The following CLIC5 variants were observed in gnomAD, a reference collection of about 807,000 sequenced individuals.
CLIC5 encodes CLIC family member 5.
In CLIC5, 20 loss-of-function variants were observed where a neutral mutation model predicts 24.7. That is an observed-to-expected ratio of 0.81 (90% CI 0.57 to 1.18). The LOEUF (loss-of-function observed/expected upper bound fraction) is 1.18, where lower values mean the gene tolerates loss of function less well. Ranked by LOEUF, CLIC5 falls within the 50% of genes most tolerant of loss-of-function variation. The pLI, the probability that CLIC5 is intolerant of heterozygous loss-of-function variation, is 0.00. For missense variants in CLIC5, 341 were observed against 326.1 expected (o/e 1.05, Z -0.35); for synonymous variants, 159 against 135.6 (o/e 1.17, Z -1.20).
chr6:46,001,322 G>A (rs1013618056), intron 1 of CLIC5, among the ~76,000 whole-genome samples: 11 of 152,206 alleles, frequency 7.2e-5, no homozygotes, highest in Admixed American at 1.3e-4. Flanking sequence ...ACAGGTCTAC[G>A]GGGGAGAGAG....
intron 1 of CLIC5, among the ~76,000 whole-genome samples, chr6:46,040,486 G>A (rs1767776537): frequency 1.3e-5 from 2 of 152,038 alleles, no homozygotes; most frequent in Admixed American, 6.6e-5. Context: ...TGGCATTGTT[G>A]GTAGTGGGCT....
At chr6:45,991,010 TTGTGGAGGAAC>T (rs1168359850) in intron 1 of CLIC5, among the ~76,000 whole-genome samples, 3 of 152,208 alleles carry the variant, frequency 2.0e-5, no homozygotes, top group African/African-American at 7.2e-5. Context: ...ACTGTTATTA[TTGTGGAGGAAC>T]ATTAGCTCAA....
chr6:45,951,994 C>A (rs556790359), intron 2 of CLIC5, among the ~76,000 whole-genome samples: 1 of 152,304 alleles, frequency 6.6e-6, no homozygotes, highest in African/African-American at 2.4e-5. Context: ...TTACTTTGTG[C>A]ATGTCCCTCA....
intron 3 of CLIC5, among the ~76,000 whole-genome samples, chr6:45,942,717 C>T (rs1184523192): frequency 6.6e-6 from 1 of 152,180 alleles, no homozygotes; most frequent in Non-Finnish European, 1.5e-5. Context: ...TTCTTTAATG[C>T]TTTTTTGTTA....
chr6:45,912,740 C>T (rs1239028185), intron 5 of CLIC5: 1 of 1,531,076 alleles, frequency 6.5e-7, no homozygotes. Flanking sequence ...GTACTTGTTC[C>T]TAAGGAGAAG....
chr6:45,949,237 G>T lies in CLIC5; in HGVS notation c.299+19C>A. On this transcript the variant is annotated intron_variant, in intron 3 of 5. Transcript: ENST00000339561. ...GAACCCTTCCCATTCAACAGCCCCA[G>T]AAAGAAACAGATCCTTACTTTTCAG... 1.9e-6 allele frequency: 3 copies of T among 1,609,834 alleles called. No homozygotes were observed. Among genetic ancestry groups the T allele is most frequent in the Non-Finnish European group, 2.5e-6 (3 of 1,177,672 alleles).
At chr6:45,973,163 T>A (rs1179750859) in intron 1 of CLIC5, among the ~76,000 whole-genome samples, 1 of 152,190 alleles carries the variant, frequency 6.6e-6, no homozygotes, top group Non-Finnish European at 1.5e-5. Context: ...ACAGGCCCCA[T>A]CCTGCACCCC....
chr6:45,955,324 G>T, intron 1 of CLIC5, 80 bp from the exon 2 acceptor site: 1 of 956,120 alleles, frequency 1.0e-6, no homozygotes, highest in Non-Finnish European at 1.6e-6. Flanking sequence ...CCCAAATGCA[G>T]GTCTGAGGAG....
intron 4 of CLIC5, chr6:45,920,260 C>A (rs1763201784): frequency 1.0e-6 from 1 of 984,556 alleles, no homozygotes; most frequent in African/African-American, 1.7e-5. Flanking sequence ...CATGACCCAT[C>A]ACATCACTTT....
At position 46,015,723 on chromosome 6, in the gene CLIC5, G is replaced by A; in HGVS notation, c.-181C>T. 9 of 1,254,144 alleles carry A rather than the reference G, an allele frequency of 7.2e-6. No individual in the cohort carries two copies. The highest frequency in any genetic ancestry group is 6.2e-5 in the South Asian group (2 of 32,018). The allele number at this position is 1,254,144 out of a possible 1,614,324, so 77.7% of individuals were successfully genotyped here. On this transcript the variant is annotated 5_prime_UTR_variant, in exon 1 of 6. Coordinates refer to ENST00000339561, the MANE Select transcript of CLIC5 (RefSeq NM_016929.5). ...CGGGGTCTGAGAGATCAGTGTCCCA[G>A]ATGCTCACATGAAAAGGAGCGAAGC... is the stretch of plus-strand genomic sequence containing the variant.
intron 1 of CLIC5, among the ~76,000 whole-genome samples, chr6:45,981,022 G>T (rs974113117): frequency 2.0e-5 from 3 of 152,140 alleles, no homozygotes; most frequent in Non-Finnish European, 2.9e-5. Context: ...CCAGGCTGAA[G>T]TGCAGTGGTG....
chr6:46,065,893 G>A (rs946463494), intron 1 of CLIC5, among the ~76,000 whole-genome samples: 10 of 152,004 alleles, frequency 6.6e-5, no homozygotes, highest in Admixed American at 5.9e-4. Flanking sequence ...TTAAAATTGT[G>A]GACTTTTAAT....
intron 1 of CLIC5, among the ~76,000 whole-genome samples, chr6:46,040,059 C>G (rs577146562): frequency 2.6e-5 from 4 of 152,280 alleles, no homozygotes; most frequent in Admixed American, 2.6e-4. Context: ...CAGTAGCATA[C>G]AGCTATTATA....
chr6:46,005,658 C>A (rs1247573062), intron 1 of CLIC5, among the ~76,000 whole-genome samples: 1 of 152,066 alleles, frequency 6.6e-6, no homozygotes, highest in Non-Finnish European at 1.5e-5. Flanking sequence ...GCTAAAATTT[C>A]ATCTCTGAGG....
At chr6:46,125,259 A>C in the CLIC5 span, among the ~76,000 whole-genome samples, 1 of 152,330 alleles carries the variant, frequency 6.6e-6, no homozygotes, top group Admixed American at 6.5e-5. Context: ...AAAAATAATG[A>C]GTTCATGTCC....
At position 45,957,183 on chromosome 6, in the gene CLIC5, G is replaced by T. The variant is rs577294946; in HGVS notation, c.64-1939C>A. Among the ~76,000 whole-genome samples the T allele has an allele frequency of 1.2e-4, 19 of 152,212 alleles. No individual in the cohort carries two copies. The South Asian group carries it at 3.9e-3, about 32-fold the overall frequency. ...TCTGGTGGTGGTGGTGGGAGGATAA[G>T]GGAATTGAAGGAGGAACTAGCAAAA... is the stretch of plus-strand genomic sequence containing the variant. On this transcript the variant is annotated intron_variant, in intron 1 of 5. Transcript: ENST00000339561.
intron 1 of CLIC5, among the ~76,000 whole-genome samples, chr6:46,071,833 A>G (rs963792910): frequency 7.2e-5 from 11 of 152,240 alleles, no homozygotes; most frequent in African/African-American, 2.4e-4. Context: ...CATGGAATCA[A>G]CCTGAATGCC....
chr6:45,986,774 ATCTC>A (rs376065655), intron 1 of CLIC5, among the ~76,000 whole-genome samples: 75,333 of 151,962 alleles, frequency 0.5, 19,398 homozygotes, highest in East Asian at 0.77. Flanking sequence ...TAAGGATACA[ATCTC>A]CCCTGCATTC....
chr6:45,968,249 C>T (rs1454831514), intron 1 of CLIC5, among the ~76,000 whole-genome samples: 1 of 152,208 alleles, frequency 6.6e-6, no homozygotes, highest in Non-Finnish European at 1.5e-5. Flanking sequence ...ACTTGTATCT[C>T]TCAATGCCAA....
Sources: allele counts gnomAD v4.1 joint callset (sites outside exome capture counted in the v4.1 genomes callset), GRCh38; gene constraint gnomAD v4.1.1; transcripts MANE v1.5; gene names NCBI Gene and HGNC (gene_info 2026-07-23, HGNC 2026-07-21).